CHST6: variants seen among roughly 807,000 people sequenced by gnomAD.
The protein encoded by CHST6 is carbohydrate sulfotransferase 6.
For synonymous variants in CHST6, 309 were observed against 276.4 expected, an observed-to-expected ratio of 1.12 and a Z score of -1.17; for missense variants, 698 against 586.2, an observed-to-expected ratio of 1.19 and a Z score of -1.97.
In CHST6 at chr16:75,491,190, A is replaced by AAAAAATAT. The variant is rs1206595857; in HGVS notation, c.-92+3749_-92+3750insATATTTTT. Among the ~76,000 whole-genome samples, 27 of 50,092 alleles carry AAAAAATAT rather than the reference A, an allele frequency of 5.4e-4. 1 individual carries two copies. Among genetic ancestry groups the AAAAAATAT allele is most frequent in the South Asian group, 1.1e-3 (1 of 928 alleles). 32.9% of individuals were successfully genotyped at this position (50,092 alleles called of 152,430 possible). On this transcript the variant is annotated intron_variant, in intron 1 of 2. Transcript: ENST00000332272. ...TAAAAAAAAAAAAAAAAAAAAAAAA[A>AAAAAATAT]ATATATATATATATATATATATATA... is the stretch of plus-strand genomic sequence containing the variant.
chr16:75,478,404 CA>C lies in CHST6; in HGVS notation c.*236del. Reference sequence around the variant, plus strand: ...CACCCTGTGCCCAGAGGAGGAGGGGCAAGAGTTGCTTTCCATGAAGAGTGCA... The same window carrying C: ...CACCCTGTGCCCAGAGGAGGAGGGGCAGAGTTGCTTTCCATGAAGAGTGCA... On this transcript the variant is annotated 3_prime_UTR_variant, in exon 3 of 3. Coordinates refer to ENST00000332272, the MANE Select transcript of CHST6 (RefSeq NM_021615.5). The C allele has an allele frequency of 1.2e-5, 7 of 568,204 alleles. No homozygotes were observed. The highest frequency in any genetic ancestry group is 1.2e-4 in the South Asian group (6 of 49,670). The allele number at this position is 568,204 out of a possible 1,614,324, so 35.2% of individuals were successfully genotyped here. A position where few individuals can be genotyped will look rare whatever the true frequency, so the allele number is the denominator to read the frequency against.
rs898838557 is a variant in CHST6 at position 75,473,247 on chromosome 16, C to T, written c.*5394G>A. 6.6e-6 allele frequency: 1 copy of T among 152,326 alleles called. No individual in the cohort carries two copies. Among genetic ancestry groups the T allele is most frequent in the African/African-American group, 2.4e-5 (1 of 41,458 alleles). 9.4% of individuals were successfully genotyped at this position (152,326 alleles called of 1,614,324 possible). The stretch of plus-strand genomic sequence containing the variant: ...TCTTCTCAAGTGGTGGACTCAGTTT[C>T]CCCACCTCTGAATCTGGGTGAGCCC... On this transcript the variant is annotated 3_prime_UTR_variant, in exon 3 of 3. Transcript: ENST00000332272.
rs561905704 is a variant in CHST6 at position 75,484,768 on chromosome 16, C to T, written c.-91-2877G>A. On this transcript the variant is annotated intron_variant, in intron 1 of 2. Coordinates refer to ENST00000332272, the MANE Select transcript of CHST6 (RefSeq NM_021615.5). ...CTGAGGCAGGAGAATCATTTGAACC[C>T]GGGAGATGGAGGTTGCAGTGAGCTG... Among the ~76,000 whole-genome samples the T allele has an allele frequency of 1.1e-4, 16 of 152,162 alleles. No individual in the cohort carries two copies. In the South Asian group the frequency reaches 3.1e-3, roughly 30 times the overall value.
Position 75,478,652 on chromosome 16 carries a change from G to T in CHST6, c.1177C>A (p.Pro393Thr). The T allele has an allele frequency of 6.2e-7, 1 of 1,613,660 alleles. No individual in the cohort carries two copies. The highest frequency in any genetic ancestry group is 1.1e-5 in the South Asian group (1 of 91,080). The change falls in exon 3 of 3, where the codon CCC becomes ACC. Residue 393 changes from proline (P) to threonine (T), a missense_variant. Physicochemically the swap from Pro to Thr is conservative, Grantham distance 38 (BLOSUM62 -1). Coordinates refer to ENST00000332272, the MANE Select transcript of CHST6 (RefSeq NM_021615.5). ...FTWASSTASHPRN is the reference protein window; with the variant it reads ...FTWASSTASHTRN ...AACTGTGGCCTCCACTAATTTCGGG[G>T]GTGCGAGGCGGTGGATGATGCCCAA...
intron 1 of CHST6, among the ~76,000 whole-genome samples, chr16:75,490,206 C>A (rs2080240564): frequency 7.1e-6 from 1 of 141,434 alleles, no homozygotes; most frequent in Admixed American, 7.3e-5. Context: ...AGGCCGGGCA[C>A]AGTGGCTCAC....
chr16:75,479,843 G>A lies in CHST6; in HGVS notation c.-15C>T, dbSNP rs1199551303. On this transcript the variant is annotated splice_region_variant and 5_prime_UTR_variant, in exon 3 of 3. Coordinates refer to ENST00000332272, the MANE Select transcript of CHST6 (RefSeq NM_021615.5). ...GGCAGCCACATGCTGACTGCTGGGG[G>A]CCTTAGGGAGGAGAGCGCAGCGGTT... 2 of 1,546,366 alleles carry A rather than the reference G, an allele frequency of 1.3e-6. No individual in the cohort carries two copies. Among genetic ancestry groups the A allele is most frequent in the Admixed American group, 2.0e-5 (1 of 51,078 alleles).
chr16:75,477,073 T>C lies in CHST6; in HGVS notation c.*1568A>G, dbSNP rs959984741. 6.6e-6 allele frequency: 1 copy of C among 152,246 alleles called. No individual in the cohort carries two copies. Among genetic ancestry groups the C allele is most frequent in the African/African-American group, 2.4e-5 (1 of 41,470 alleles). 9.4% of individuals were successfully genotyped at this position (152,246 alleles called of 1,614,324 possible). A position where few individuals can be genotyped will look rare whatever the true frequency, so the allele number is the denominator to read the frequency against. On this transcript the variant is annotated 3_prime_UTR_variant, in exon 3 of 3. Transcript: ENST00000332272. ...TACCCACTCTTAAGGTATTTTGTTATAACCACCTGAACAAGAACAAAGACA... is the reference window on the plus strand; with the variant it reads ...TACCCACTCTTAAGGTATTTTGTTACAACCACCTGAACAAGAACAAAGACA...
intron 1 of CHST6, among the ~76,000 whole-genome samples, chr16:75,489,696 G>A (rs907073207): frequency 2.0e-5 from 3 of 151,934 alleles, no homozygotes; most frequent in African/African-American, 7.3e-5. Flanking sequence ...TACAGAATGG[G>A]ACTTGTACCC....
At chr16:75,488,475 GAAAA>G (rs1384982763) in intron 1 of CHST6, among the ~76,000 whole-genome samples, 1 of 86,538 alleles carries the variant, frequency 1.2e-5, no homozygotes, top group African/African-American at 4.3e-5. Flanking sequence ...GTCACAAGGA[GAAAA>G]AAAAAAAAAA....
intron 1 of CHST6, among the ~76,000 whole-genome samples, chr16:75,484,667 T>A (rs1454648372): frequency 6.6e-6 from 1 of 151,960 alleles, no homozygotes; most frequent in Non-Finnish European, 1.5e-5. Flanking sequence ...CTGACCAACA[T>A]GACAAAACCC....
rs1187264559 is a variant in CHST6, at chr16:75,475,703, GA to G, written c.*2937del. 2.6e-5 allele frequency: 4 copies of G among 152,228 alleles called. No homozygotes were observed. Among genetic ancestry groups the G allele is most frequent in the African/African-American group, 9.6e-5 (4 of 41,460 alleles). The allele number at this position is 152,228 out of a possible 1,614,324, so 9.4% of individuals were successfully genotyped here. Reference sequence around the variant, plus strand: ...GCCCATGCGCAGAGAGCAAATTCAGGAGCCAGTCAAGCATGTCCTGACACCT... The same window carrying G: ...GCCCATGCGCAGAGAGCAAATTCAGGGCCAGTCAAGCATGTCCTGACACCT... On this transcript the variant is annotated 3_prime_UTR_variant, in exon 3 of 3. Coordinates refer to ENST00000332272, the MANE Select transcript of CHST6 (RefSeq NM_021615.5).
At chr16:75,491,165 T>TAAAAAAAAA (rs1168619782) in intron 1 of CHST6, among the ~76,000 whole-genome samples, 4 of 26,378 alleles carry the variant, frequency 1.5e-4, no homozygotes, top group East Asian at 1.7e-3. Flanking sequence ...AACTCCGTCT[T>TAAAAAAAAA]AAAAAAAAAA....
intron 1 of CHST6, among the ~76,000 whole-genome samples, chr16:75,488,410 T>C (rs575606434): frequency 2.4e-4 from 36 of 147,822 alleles, no homozygotes; most frequent in African/African-American, 8.0e-4. Context: ...GAGGTTGCAG[T>C]GAGCAGAGAT....
intron 1 of CHST6, among the ~76,000 whole-genome samples, chr16:75,494,233 G>A (rs978548709): frequency 3.9e-5 from 6 of 152,102 alleles, no homozygotes; most frequent in Admixed American, 3.3e-4. Flanking sequence ...TCACTCTCTG[G>A]CTCTCTATAC....
At chr16:75,488,019 C>T (rs917921818) in intron 1 of CHST6, among the ~76,000 whole-genome samples, 1 of 151,810 alleles carries the variant, frequency 6.6e-6, no homozygotes, top group Non-Finnish European at 1.5e-5. Flanking sequence ...CAAACAAAAC[C>T]AAAACAACAA....
Position 75,472,852 on chromosome 16 carries a change from C to G in CHST6, c.*5789G>C, listed in dbSNP as rs2080032410. The G allele has an allele frequency of 2.0e-5, 3 of 152,212 alleles. No individual in the cohort carries two copies. The allele number at this position is 152,212 out of a possible 1,614,324, so 9.4% of individuals were successfully genotyped here. ...ACACTGTTTCTATGCACCCATCAGC[C>G]CATCTAGTGCTTTGATTGCCCCTTC... is the stretch of plus-strand genomic sequence containing the variant. On this transcript the variant is annotated 3_prime_UTR_variant, in exon 3 of 3. Transcript: ENST00000332272.
At chr16:75,494,526 C>G (rs889652241) in intron 1 of CHST6, among the ~76,000 whole-genome samples, 11 of 152,150 alleles carry the variant, frequency 7.2e-5, no homozygotes, top group Non-Finnish European at 1.0e-4. Context: ...GAGGGCCTGT[C>G]CTGAAGCCCA....
intron 1 of CHST6, among the ~76,000 whole-genome samples, chr16:75,485,543 C>A (rs1302611772): frequency 6.6e-6 from 1 of 152,208 alleles, no homozygotes. Flanking sequence ...AGCTGAAGTA[C>A]TGAGAGTACA....
Position 75,478,672 on chromosome 16 carries a change from G to A in CHST6, c.1157C>T (p.Ala386Val), listed in dbSNP as rs780391270. Residue 386 changes from alanine (A) to valine (V), a missense_variant, in exon 3 of 3, where the codon GCA becomes GTA. Physicochemically the swap from Ala to Val is moderately conservative, Grantham distance 64 (BLOSUM62 0). Transcript: ENST00000332272. ...TCGGGGGTGCGAGGCGGTGGATGATGCCCAAGTGAAGCCGTTCAGGCCTCG... is the reference window on the plus strand; with the variant it reads ...TCGGGGGTGCGAGGCGGTGGATGATACCCAAGTGAAGCCGTTCAGGCCTCG... ...LPRGLNGFTW[A>V]SSTASHPRN is the part of the protein sequence containing the mutation. 1 of 1,613,744 alleles carries A rather than the reference G, an allele frequency of 6.2e-7. No homozygotes were observed. The highest frequency in any genetic ancestry group is 1.1e-5 in the South Asian group (1 of 91,090).
Sources: gnomAD v4.1 joint callset for allele counts (sites outside exome capture counted in the v4.1 genomes callset) on GRCh38, gnomAD v4.1.1 for gene constraint, MANE v1.5 for transcripts, NCBI Gene and HGNC (gene_info 2026-07-23, HGNC 2026-07-21) for gene names.